The following GALNT13 variants were observed in gnomAD, a reference collection of about 807,000 sequenced individuals.
The protein encoded by GALNT13 is UDP-GalNAc:polypeptide N-acetylgalactosaminyltransferase 13.
Under a neutral mutation model 64.2 loss-of-function variants are expected in GALNT13, and 28 were observed. The ratio of observed to expected loss-of-function variants is 0.44; its 90% CI spans 0.32 to 0.60. GALNT13 has a LOEUF of 0.60. GALNT13 is among the 20% of genes least tolerant of loss of function. The probability of loss-of-function intolerance (pLI) is 0.05; values close to 1 mark genes in which losing one functional copy is unlikely to be tolerated. For synonymous variants in GALNT13, 214 were observed against 224.6 expected (o/e 0.95, Z 0.42); for missense variants, 577 against 669.8 (o/e 0.86, Z 1.53).
At chr2:153,148,111 A>G in the GALNT13 span, among the ~76,000 whole-genome samples, 4 of 152,036 alleles carry the variant, frequency 2.6e-5, no homozygotes, top group East Asian at 7.8e-4. Flanking sequence ...CTCTAATAAA[A>G]GAAAAGCCGC....
rs761572855 is a variant in GALNT13, at chr2:154,340,533, G to A, written c.1156+38944G>A. Among the ~76,000 whole-genome samples the A allele has an allele frequency of 3.3e-4, 50 of 151,968 alleles. 1 individual carries two copies. Among genetic ancestry groups the A allele is most frequent in the Non-Finnish European group, 5.4e-4 (37 of 67,982 alleles). On this transcript the variant is annotated intron_variant, in intron 9 of 12. Transcript: ENST00000392825. ...TTTTGATTCATTTCTTTATTATTCCGTGTGTTGCCTGATATAATATATTGC... is the reference window on the plus strand; with the variant it reads ...TTTTGATTCATTTCTTTATTATTCCATGTGTTGCCTGATATAATATATTGC...
the GALNT13 span, among the ~76,000 whole-genome samples, chr2:153,244,647 G>T: frequency 6.6e-6 from 1 of 152,162 alleles, no homozygotes; most frequent in African/African-American, 2.4e-5. Context: ...TCAGGACTGG[G>T]GTTCCAGGTG....
At chr2:153,427,897 A>C in the GALNT13 span, among the ~76,000 whole-genome samples, 1 of 152,060 alleles carries the variant, frequency 6.6e-6, no homozygotes, top group Non-Finnish European at 1.5e-5. Flanking sequence ...TTCTGATGTT[A>C]TTGTTATTGA....
intron 3 of GALNT13, among the ~76,000 whole-genome samples, chr2:154,034,750 G>T (rs1042002855): frequency 1.3e-5 from 2 of 152,110 alleles, no homozygotes; most frequent in African/African-American, 4.8e-5. Flanking sequence ...TAGTTCATCT[G>T]TGTTGATACA....
At position 154,242,152 on chromosome 2, in the gene GALNT13, A is replaced by G. The variant is rs774729958; in HGVS notation, c.434A>G (p.Tyr145Cys). 15 of 1,612,908 alleles carry G rather than the reference A, an allele frequency of 9.3e-6. No homozygotes were observed. The highest frequency in any genetic ancestry group is 5.5e-5 in the South Asian group (5 of 90,770). Reference sequence around the variant, plus strand: ...AGTGTGATAAATCGTTCCCCACACTATCTACTCTCAGAGGTCATCTTGGTA... The same window carrying G: ...AGTGTGATAAATCGTTCCCCACACTGTCTACTCTCAGAGGTCATCTTGGTA... The part of the protein sequence containing the change: ...VYSVINRSPH[Y>C]LLSEVILVDD... Residue 145 changes from tyrosine (Y) to cysteine (C), a missense_variant, in exon 5 of 13, where the codon TAT (tyrosine) becomes TGT (cysteine). Coordinates refer to ENST00000392825, the MANE Select transcript of GALNT13 (RefSeq NM_052917.4).
chr2:153,757,739 C>T, the GALNT13 span, among the ~76,000 whole-genome samples: 8 of 152,148 alleles, frequency 5.3e-5, no homozygotes, highest in South Asian at 1.2e-3. Context: ...TTAGAGATGT[C>T]GAACATTTTT....
chr2:154,075,521 A>T (rs911931618), intron 3 of GALNT13, among the ~76,000 whole-genome samples: 5 of 151,890 alleles, frequency 3.3e-5, no homozygotes, highest in African/African-American at 9.7e-5. Flanking sequence ...TGGCTATACC[A>T]TAAGTTATTT....
intron 2 of GALNT13, among the ~76,000 whole-genome samples, chr2:153,924,443 C>T (rs1484628671): frequency 6.6e-6 from 1 of 152,092 alleles, no homozygotes; most frequent in Non-Finnish European, 1.5e-5. Flanking sequence ...ACCACATTTT[C>T]TTTATCCAGT....
rs566632226 is a variant in GALNT13 at position 154,190,067 on chromosome 2, G to C, written c.311+49562G>C. 1.5e-4 allele frequency among the ~76,000 whole-genome samples: 23 copies of C among 152,200 alleles called. 1 individual carries two copies. The South Asian group carries it at 4.6e-3, about 30-fold the overall frequency. Reference sequence around the variant, plus strand: ...TCTTGTGTGTGTTTTTCGTTATCTTGTTCTCAATGAAATTCCCTCAAATGC... The same window carrying C: ...TCTTGTGTGTGTTTTTCGTTATCTTCTTCTCAATGAAATTCCCTCAAATGC... On this transcript the variant is annotated intron_variant, in intron 4 of 12. Transcript: ENST00000392825.
the GALNT13 span, among the ~76,000 whole-genome samples, chr2:153,441,643 C>G: frequency 8.6e-3 from 1,305 of 152,260 alleles, 13 homozygotes; most frequent in African/African-American, 0.029. Context: ...GTTTGCAGTT[C>G]TCCTTGAAGA....
chr2:154,298,540 T>TATATATACA (rs1693102815), intron 8 of GALNT13, among the ~76,000 whole-genome samples: 1 of 96,496 alleles, frequency 1.0e-5, no homozygotes, highest in Non-Finnish European at 2.1e-5. Context: ...TTGTATATAT[T>TATATATACA]TATATATAAA....
At chr2:153,998,933 C>A (rs996407257) in intron 3 of GALNT13, among the ~76,000 whole-genome samples, 3 of 152,036 alleles carry the variant, frequency 2.0e-5, no homozygotes, top group African/African-American at 7.2e-5. Context: ...ATTCCATGCT[C>A]ATGGATAGGA....
the GALNT13 span, among the ~76,000 whole-genome samples, chr2:153,246,296 G>T: frequency 6.6e-6 from 1 of 152,014 alleles, no homozygotes; most frequent in East Asian, 1.9e-4. Flanking sequence ...AAAATACAGA[G>T]AACACCACTA....
At chr2:153,724,992 G>A in the GALNT13 span, among the ~76,000 whole-genome samples, 6 of 151,448 alleles carry the variant, frequency 4.0e-5, no homozygotes, top group African/African-American at 7.3e-5. Flanking sequence ...TGCTGCTATA[G>A]AGACACATGC....
chr2:154,421,655 C>G (rs1357821315), intron 11 of GALNT13, among the ~76,000 whole-genome samples: 4 of 151,844 alleles, frequency 2.6e-5, no homozygotes, highest in Non-Finnish European at 4.4e-5. Flanking sequence ...TGAAATATGT[C>G]TAATACTTTT....
the GALNT13 span, among the ~76,000 whole-genome samples, chr2:153,262,196 C>G: frequency 6.6e-6 from 1 of 152,184 alleles, no homozygotes; most frequent in African/African-American, 2.4e-5. Flanking sequence ...GCAGAACTCT[C>G]AGTCTCACTC....
At chr2:153,579,432 C>T in the GALNT13 span, among the ~76,000 whole-genome samples, 2 of 152,100 alleles carry the variant, frequency 1.3e-5, no homozygotes, top group African/African-American at 4.8e-5. Flanking sequence ...ATATCTTTTG[C>T]AGGAACATTT....
chr2:153,912,340 G>A (rs1162123027), intron 2 of GALNT13, among the ~76,000 whole-genome samples: 2 of 151,928 alleles, frequency 1.3e-5, no homozygotes, highest in East Asian at 1.9e-4. Context: ...CTTAGATTGG[G>A]TTTCAGTGTT....
At chr2:153,529,260 A>G in the GALNT13 span, among the ~76,000 whole-genome samples, 1 of 152,206 alleles carries the variant, frequency 6.6e-6, no homozygotes, top group South Asian at 2.1e-4. Flanking sequence ...AATTCAAAGG[A>G]TGATTTGTGG....
Sources: allele counts gnomAD v4.1 joint callset (sites outside exome capture counted in the v4.1 genomes callset), GRCh38; gene constraint gnomAD v4.1.1; transcripts MANE v1.5; gene names NCBI Gene and HGNC (gene_info 2026-07-23, HGNC 2026-07-21).